Variants in STMN3 observed in about 807,000 individuals in gnomAD.
STMN3 encodes the protein stathmin-3.
A neutral mutation model predicts 23.2 loss-of-function variants in STMN3; 24 were observed. That is an observed-to-expected ratio of 1.03 (90% CI 0.75 to 1.45). STMN3 has a LOEUF of 1.45. Ranked by LOEUF, STMN3 falls within the 40% of genes most tolerant of loss-of-function variation. The pLI, the probability that STMN3 is intolerant of heterozygous loss-of-function variation, is 0.00. For synonymous variants in STMN3, 117 were observed against 103.4 expected, an observed-to-expected ratio of 1.13 and a Z score of -0.80; for missense variants, 235 against 237.6, an observed-to-expected ratio of 0.99 and a Z score of 0.07.
intron 1 of STMN3, among the ~76,000 whole-genome samples, chr20:63,647,960 G>GTT: frequency 1.9e-5 from 1 of 53,360 alleles, no homozygotes; most frequent in Non-Finnish European, 3.3e-5. Context: ...ATATATATAT[G>GTT]TATATATATA....
chr20:63,643,266 T>A (rs1024083772), intron 3 of STMN3, among the ~76,000 whole-genome samples: 4 of 152,068 alleles, frequency 2.6e-5, no homozygotes, highest in South Asian at 4.1e-4. Context: ...CTCCTCTCCA[T>A]CCCTTTCTTT....
In STMN3 at chr20:63,643,846, C is replaced by G. The variant is rs375032406; in HGVS notation, c.201G>C (p.Glu67Asp). 5.1e-6 allele frequency: 8 copies of G among 1,578,470 alleles called. No individual in the cohort carries two copies. The African/African-American group carries it at 9.7e-5, about 19-fold the overall frequency. The change falls in exon 3 of 5, where the codon GAG (glutamate) becomes GAC (aspartate). Residue 67 changes from glutamate to aspartate, a missense_variant. Transcript: ENST00000370053. ...TGGGTGGGGAGGAGAGCATAGGGCT[C>G]TCTGGGGACAGGTCAGAAGGGGACT... ...ILKSPSDLSPESPMLSSPPKK... is the reference protein window; with the variant it reads ...ILKSPSDLSPDSPMLSSPPKK...
At chr20:63,643,963 G>T in intron 2 of STMN3, 32 bp from the exon 3 acceptor site, 1 of 1,583,866 alleles carries the variant, frequency 6.3e-7, no homozygotes, top group Non-Finnish European at 8.5e-7. Flanking sequence ...GAGCTTCAGA[G>T]GCCCGGCCAG....
chr20:63,644,276 A>G lies in STMN3; in HGVS notation c.53T>C (p.Leu18Pro). The stretch of plus-strand genomic sequence containing the variant: ...GTAGAAGCAGGAGCAGATGAGCGAC[A>G]GCACCGACAGCTCCTTCATCTTCTC... ...YKEKMKELSV[L>P]SLICSCFYTQ... Residue 18 changes from leucine (L) to proline (P), a missense_variant, in exon 2 of 5, where the codon CTG (leucine) becomes CCG (proline). Leu to Pro is a moderately conservative substitution (Grantham distance 98). Transcript: ENST00000370053. The G allele has an allele frequency of 3.1e-6, 5 of 1,613,688 alleles. No homozygotes were observed. The highest frequency in any genetic ancestry group is 4.2e-6 in the Non-Finnish European group (5 of 1,179,878).
At chr20:63,643,562 T>G in intron 3 of STMN3, 194 bp downstream of exon 3, 668 of 894,468 alleles carry the variant, frequency 7.5e-4, no homozygotes, top group Middle Eastern at 1.1e-3. Flanking sequence ...ATTACAGGCG[T>G]GAGCCACCAC....
rs746092434 is a variant in STMN3 at position 63,644,181 on chromosome 20, G to A, written c.115+33C>T. On this transcript the variant is annotated intron_variant, in intron 2 of 4. Coordinates refer to ENST00000370053, the MANE Select transcript of STMN3 (RefSeq NM_015894.4). Reference sequence around the variant, plus strand: ...GGAAAAGGTGAGGTGGGCAGGCACCGCAGGGAAGGGCAGGCGGCAGCCAGG... The same window carrying A: ...GGAAAAGGTGAGGTGGGCAGGCACCACAGGGAAGGGCAGGCGGCAGCCAGG... 1.2e-5 allele frequency: 19 copies of A among 1,578,492 alleles called. No homozygotes were observed. The Middle Eastern group carries it at 5.1e-4, about 42-fold the overall frequency.
chr20:63,650,961 CT>C (rs151283484), intron 1 of STMN3, among the ~76,000 whole-genome samples: 107,460 of 132,918 alleles, frequency 0.81, 44,072 homozygotes, highest in African/African-American at 0.93. Flanking sequence ...CTTCTTTCTT[CT>C]TTTTTTTTTT....
intron 1 of STMN3, among the ~76,000 whole-genome samples, chr20:63,647,232 C>T (rs886320655): frequency 4.1e-5 from 6 of 147,982 alleles, no homozygotes; most frequent in Non-Finnish European, 8.9e-5. Context: ...CACTTGAACC[C>T]GGGAGGTGGA....
chr20:63,641,414 G>A lies in STMN3; in HGVS notation c.484-17C>T, dbSNP rs370759127. On this transcript the variant is annotated splice_polypyrimidine_tract_variant and intron_variant, in intron 4 of 4. Transcript: ENST00000370053. ...GTGCAGCTCCTGCAGGACAGGGGGC[G>A]GGAGGGCCTGAGGGCGGGGGTGGCT... is the stretch of plus-strand genomic sequence containing the variant. The A allele has an allele frequency of 9.6e-6, 15 of 1,558,676 alleles. No individual in the cohort carries two copies. Among genetic ancestry groups the A allele is most frequent in the South Asian group, 3.5e-5 (3 of 84,838 alleles).
chr20:63,644,596 C>A (rs929613905), intron 1 of STMN3, among the ~76,000 whole-genome samples: 13 of 152,214 alleles, frequency 8.5e-5, no homozygotes, highest in African/African-American at 3.1e-4. Flanking sequence ...ATCTTCCACA[C>A]TGACTTGTTT....
At chr20:63,643,707 G>T in intron 3 of STMN3, 49 bp downstream of exon 3, 1 of 1,483,100 alleles carries the variant, frequency 6.7e-7, no homozygotes, top group East Asian at 2.5e-5. Context: ...GTCCCCGTGG[G>T]CCGCCTCCGT....
At chr20:63,648,694 C>T (rs1171712278) in intron 1 of STMN3, among the ~76,000 whole-genome samples, 3 of 152,178 alleles carry the variant, frequency 2.0e-5, no homozygotes, top group Non-Finnish European at 2.9e-5. Flanking sequence ...AGAGATTGTG[C>T]CACTGCGTTC....
rs1168220652 is a variant in STMN3, at chr20:63,652,258, G to A, written c.19+1069C>T. 2 of 152,256 alleles carry A rather than the reference G, an allele frequency of 1.3e-5. No homozygotes were observed. Among genetic ancestry groups the A allele is most frequent in the African/African-American group, 2.4e-5 (1 of 41,454 alleles). 9.4% of individuals were successfully genotyped at this position (152,256 alleles called of 1,614,324 possible). A position where few individuals can be genotyped will look rare whatever the true frequency, so the allele number is the denominator to read the frequency against. Reference sequence around the variant, plus strand: ...GCGCCCGAGTTGAACCAGTCAGCTCGGGAGAGGGACCGCGGCGACCTGTCC... The same window carrying A: ...GCGCCCGAGTTGAACCAGTCAGCTCAGGAGAGGGACCGCGGCGACCTGTCC... On this transcript the variant is annotated intron_variant, in intron 1 of 4. Coordinates refer to ENST00000370053, the MANE Select transcript of STMN3 (RefSeq NM_015894.4). This position sits in a 1 kb window ranked among gnomAD's most constrained non-coding sequence, Gnocchi z 5.3.
At position 63,652,736 on chromosome 20, in the gene STMN3, C is replaced by G; in HGVS notation, c.19+591G>C. 2 of 985,868 alleles carry G rather than the reference C, an allele frequency of 2.0e-6. No homozygotes were observed. Among genetic ancestry groups the G allele is most frequent in the Non-Finnish European group, 2.4e-6 (2 of 830,328 alleles). 61.1% of individuals were successfully genotyped at this position (985,868 alleles called of 1,614,324 possible). A position where few individuals can be genotyped will look rare whatever the true frequency, so the allele number is the denominator to read the frequency against. ...GCCAGAGCAGGTGGCGCGGGCGTCG[C>G]AAAGGGTGGTCCCCGAGGCCGCAGC... is the stretch of plus-strand genomic sequence containing the variant. On this transcript the variant is annotated intron_variant, in intron 1 of 4. Transcript: ENST00000370053. This position sits in a 1 kb window ranked among gnomAD's most constrained non-coding sequence, Gnocchi z 5.3.
intron 1 of STMN3, among the ~76,000 whole-genome samples, chr20:63,646,861 C>T (rs1258039697): frequency 6.6e-6 from 1 of 151,710 alleles, no homozygotes; most frequent in East Asian, 1.9e-4. Context: ...TCTAGCGATT[C>T]TCCTGCCTCA....
chr20:63,642,296 G>C lies in STMN3; in HGVS notation c.295C>G (p.Gln99Glu), dbSNP rs559003037. The C allele has an allele frequency of 2.0e-6, 3 of 1,523,154 alleles. No homozygotes were observed. Among genetic ancestry groups the C allele is most frequent in the African/African-American group, 1.4e-5 (1 of 69,608 alleles). 94.4% of individuals were successfully genotyped at this position (1,523,154 alleles called of 1,614,324 possible). Residue 99 changes from glutamine to glutamate, a missense_variant, in exon 4 of 5, where the codon CAG becomes GAG. By Grantham distance (29) the Gln-to-Glu change is conservative. Coordinates refer to ENST00000370053, the MANE Select transcript of STMN3 (RefSeq NM_015894.4). Reference protein sequence around the residue: ...LEAAEERRKTQEAQVLKQLAE... With the variant: ...LEAAEERRKTEEAQVLKQLAE... ...AGCTGCTTCAGCACCTGCGCCTCCT[G>C]CGTCTGTGCGGGGCCGGCGGGCGCG...
At chr20:63,643,476 T>C (rs906992866) in intron 3 of STMN3, among the ~76,000 whole-genome samples, 1 of 152,170 alleles carries the variant, frequency 6.6e-6, no homozygotes. Context: ...AGATGGGGTT[T>C]CACCATGTTG....
chr20:63,643,945 C>A lies in STMN3; in HGVS notation c.116-14G>T, dbSNP rs757450981. 1 of 1,591,620 alleles carries A rather than the reference C, an allele frequency of 6.3e-7. No homozygotes were observed. Among genetic ancestry groups the A allele is most frequent in the East Asian group, 2.2e-5 (1 of 44,802 alleles). On this transcript the variant is annotated splice_polypyrimidine_tract_variant and intron_variant, in intron 2 of 4. Coordinates refer to ENST00000370053, the MANE Select transcript of STMN3 (RefSeq NM_015894.4). ...TCACCTCCATGTCTGCAGGGCAAGACCAGAGTAGAGCTTCAGAGGCCCGGC... is the reference window on the plus strand; with the variant it reads ...TCACCTCCATGTCTGCAGGGCAAGAACAGAGTAGAGCTTCAGAGGCCCGGC...
intron 1 of STMN3, 65 bp from the exon 2 acceptor site, chr20:63,644,374 C>T (rs1421349084): frequency 7.8e-7 from 1 of 1,284,506 alleles, no homozygotes; most frequent in Non-Finnish European, 1.1e-6. Flanking sequence ...CCCCGTTTTC[C>T]CTCCCCATGG....
Sources: gnomAD v4.1 joint callset for allele counts (sites outside exome capture counted in the v4.1 genomes callset) on GRCh38, gnomAD v4.1.1 for gene constraint, Gnocchi (gnomAD v3.1) non-coding constraint, MANE v1.5 for transcripts, NCBI Gene and HGNC (gene_info 2026-07-23, HGNC 2026-07-21) for gene names.